MAPK10: variants seen among roughly 807,000 people sequenced by gnomAD.
MAPK10 encodes the protein JNK3 alpha protein kinase.
Under a neutral mutation model 59.3 loss-of-function variants are expected in MAPK10, and 25 were observed. That is an observed-to-expected ratio of 0.42 (90% CI 0.31 to 0.59). The LOEUF is 0.59. MAPK10 is among the 20% of genes least tolerant of loss of function. The probability of loss-of-function intolerance (pLI) is 0.15; values close to 1 mark genes in which losing one functional copy is unlikely to be tolerated. For synonymous variants in MAPK10, 190 were observed against 200.5 expected (o/e 0.95, Z 0.44); for missense variants, 351 against 568.9 (o/e 0.62, Z 3.90).
chr4:86,360,327 C>G (rs569355995), upstream of MAPK10: 23 of 340,586 alleles, frequency 6.8e-5, no homozygotes, highest in South Asian at 2.7e-3. Context: ...AAGATCCATT[C>G]GATGCAGTTC....
chr4:86,510,071 T>C (rs1031240726), intron 1 of MAPK10, among the ~76,000 whole-genome samples: 3 of 152,174 alleles, frequency 2.0e-5, no homozygotes, highest in African/African-American at 7.2e-5. Flanking sequence ...TGCCTTTTAG[T>C]TCATACAACT....
rs181623493 is a variant in MAPK10 at position 86,144,400 on chromosome 4, T to C, written c.236+14898A>G. Among the ~76,000 whole-genome samples, 10 of 152,272 alleles carry C rather than the reference T, an allele frequency of 6.6e-5. No homozygotes were observed. In the East Asian group the frequency reaches 1.5e-3, roughly 23 times the overall value. Reference sequence around the variant, plus strand: ...AATATTTCTGCATTGTCAGGGCTCTTTGAGCAGATAAAGCAAGAATCTGGT... The same window carrying C: ...AATATTTCTGCATTGTCAGGGCTCTCTGAGCAGATAAAGCAAGAATCTGGT... On this transcript the variant is annotated intron_variant, in intron 4 of 13. Transcript: ENST00000641462.
At chr4:86,566,714 A>T (rs182596533) in intron 1 of MAPK10, among the ~76,000 whole-genome samples, 1,447 of 132,544 alleles carry the variant, frequency 0.011, 7 homozygotes, top group Non-Finnish European at 0.016. Context: ...GAATCCATTT[A>T]AAAAAAAAAA....
intron 2 of MAPK10, among the ~76,000 whole-genome samples, chr4:86,195,253 T>C (rs1198164677): frequency 6.6e-6 from 1 of 152,210 alleles, no homozygotes; most frequent in Non-Finnish European, 1.5e-5. Flanking sequence ...TGTTGAATGC[T>C]GATTGTGTGC....
chr4:86,010,928 G>A lies in MAPK10; in HGVS notation c.*6300C>T, dbSNP rs1741387195. ...CAAGATCAGGTGAAGAACATTACTAGAAGTTCAGTGATTAAGAAATAAAGC... is the reference window on the plus strand; with the variant it reads ...CAAGATCAGGTGAAGAACATTACTAAAAGTTCAGTGATTAAGAAATAAAGC... On this transcript the variant is annotated 3_prime_UTR_variant, in exon 14 of 14. Coordinates refer to ENST00000641462, the MANE Select transcript of MAPK10 (RefSeq NM_138982.4). 6.6e-6 allele frequency: 1 copy of A among 152,180 alleles called. No individual in the cohort carries two copies. Among genetic ancestry groups the A allele is most frequent in the African/African-American group, 2.4e-5 (1 of 41,456 alleles). The allele number at this position is 152,180 out of a possible 1,614,324, so 9.4% of individuals were successfully genotyped here. A position where few individuals can be genotyped will look rare whatever the true frequency, so the allele number is the denominator to read the frequency against.
At chr4:86,076,104 C>T (rs952899999) in intron 9 of MAPK10, among the ~76,000 whole-genome samples, 4 of 152,110 alleles carry the variant, frequency 2.6e-5, no homozygotes, top group Non-Finnish European at 5.9e-5. Flanking sequence ...TGGTGCGCTG[C>T]TTTTTAAGCC....
At chr4:86,402,237 G>A (rs986601510) in intron 1 of MAPK10, among the ~76,000 whole-genome samples, 1 of 151,866 alleles carries the variant, frequency 6.6e-6, no homozygotes, top group Admixed American at 6.6e-5. Flanking sequence ...AAGGAAAGCA[G>A]AATTGAGAAA....
intron 1 of MAPK10, chr4:86,357,982 G>T: frequency 1.5e-6 from 1 of 650,604 alleles, no homozygotes; most frequent in Non-Finnish European, 1.9e-6. Context: ...CCATTGTAGG[G>T]GAGAGAAAAC....
chr4:86,357,051 G>A (rs1485354023), intron 1 of MAPK10: 1 of 152,216 alleles, frequency 6.6e-6, no homozygotes, highest in African/African-American at 2.4e-5. Flanking sequence ...GCTTAAAAGA[G>A]ACTGTAAGAG....
chr4:86,549,863 C>CA (rs1342407914), intron 1 of MAPK10, among the ~76,000 whole-genome samples: 10 of 151,798 alleles, frequency 6.6e-5, no homozygotes, highest in Non-Finnish European at 1.3e-4. Context: ...AACAAACAAA[C>CA]AAACAAAACA....
At chr4:86,215,706 C>A (rs769017702) in intron 2 of MAPK10, among the ~76,000 whole-genome samples, 1 of 152,078 alleles carries the variant, frequency 6.6e-6, no homozygotes. Context: ...ACTAAAAATA[C>A]AAAAAATTAG....
At chr4:86,294,009 G>A (rs908226455) in intron 2 of MAPK10, among the ~76,000 whole-genome samples, 4 of 152,162 alleles carry the variant, frequency 2.6e-5, no homozygotes, top group African/African-American at 9.7e-5. Flanking sequence ...TAACCAGCAT[G>A]CAGGACAACC....
At chr4:86,415,190 T>C (rs937117463) in intron 1 of MAPK10, among the ~76,000 whole-genome samples, 8 of 151,816 alleles carry the variant, frequency 5.3e-5, no homozygotes, top group Non-Finnish European at 7.4e-5. Context: ...TCAAATGCCT[T>C]GTATACTCAT....
intron 3 of MAPK10, among the ~76,000 whole-genome samples, chr4:86,179,553 C>T (rs566699272): frequency 1.2e-4 from 19 of 152,004 alleles, no homozygotes; most frequent in African/African-American, 4.6e-4. Flanking sequence ...CAATCCTTAA[C>T]AAAAAGAACA....
chr4:86,505,582 GT>G (rs927032931), intron 1 of MAPK10, among the ~76,000 whole-genome samples: 1 of 151,718 alleles, frequency 6.6e-6, no homozygotes, highest in Non-Finnish European at 1.5e-5. Flanking sequence ...GTGAGACCCT[GT>G]TTTTAAAAAA....
intron 1 of MAPK10, among the ~76,000 whole-genome samples, chr4:86,502,784 G>A (rs997911827): frequency 6.6e-6 from 1 of 151,914 alleles, no homozygotes; most frequent in Non-Finnish European, 1.5e-5. Flanking sequence ...TTCAGTCAAC[G>A]TTTATCTCTC....
chr4:86,388,723 T>C (rs1741819893), intron 1 of MAPK10, among the ~76,000 whole-genome samples: 1 of 152,098 alleles, frequency 6.6e-6, no homozygotes, highest in African/African-American at 2.4e-5. Context: ...AACCTTAATA[T>C]ATAGCATAAA....
intron 3 of MAPK10, among the ~76,000 whole-genome samples, chr4:86,177,239 T>C (rs1390067909): frequency 6.6e-6 from 1 of 151,920 alleles, no homozygotes; most frequent in Non-Finnish European, 1.5e-5. Context: ...TTTTGGGGGG[T>C]TCAGGCAGTC....
intron 2 of MAPK10, among the ~76,000 whole-genome samples, chr4:86,276,456 TA>T (rs888977627): frequency 1.4e-5 from 2 of 137,996 alleles, no homozygotes; most frequent in Non-Finnish European, 3.1e-5. Flanking sequence ...ACCCAATGTT[TA>T]AAAAAAAGAT....
Sources: allele counts gnomAD v4.1 joint callset (sites outside exome capture counted in the v4.1 genomes callset), GRCh38; gene constraint gnomAD v4.1.1; transcripts MANE v1.5; gene names NCBI Gene and HGNC (gene_info 2026-07-23, HGNC 2026-07-21).